The following GALNT10 variants were observed in gnomAD, a reference collection of about 807,000 sequenced individuals.
GALNT10 encodes the protein GalNAc transferase 10.
Under a neutral mutation model 75.0 loss-of-function variants are expected in GALNT10, and 41 were observed. The ratio of observed to expected loss-of-function variants is 0.55; its 90% CI spans 0.43 to 0.71. The LOEUF (loss-of-function observed/expected upper bound fraction) is 0.71. Among genes scored for constraint, GALNT10 ranks in the 30% least tolerant of loss-of-function variants. The pLI is 0.00. For missense variants in GALNT10, 727 were observed against 818.5 expected, an observed-to-expected ratio of 0.89 and a Z score of 1.36; for synonymous variants, 302 against 313.0, an observed-to-expected ratio of 0.96 and a Z score of 0.37.
chr5:154,322,558 G>A (rs79516026), intron 3 of GALNT10, among the ~76,000 whole-genome samples: 8 of 152,054 alleles, frequency 5.3e-5, no homozygotes, highest in Admixed American at 2.6e-4. Flanking sequence ...CACAGGTTCC[G>A]GGGATTAGGG....
intron 1 of GALNT10, among the ~76,000 whole-genome samples, chr5:154,285,279 AC>A (rs1334524380): frequency 6.6e-6 from 1 of 152,088 alleles, no homozygotes; most frequent in East Asian, 1.9e-4. Flanking sequence ...GCTCACCACC[AC>A]CCTTGTAGGA....
chr5:154,193,136 G>A (rs1774884980), intron 1 of GALNT10, among the ~76,000 whole-genome samples: 1 of 150,834 alleles, frequency 6.6e-6, no homozygotes, highest in Admixed American at 6.6e-5. Context: ...GGAGGAGGAA[G>A]AAGTGGTGAA....
Position 154,397,027 on chromosome 5 carries a change from T to A in GALNT10, c.1057-7077T>A, listed in dbSNP as rs550794827. Reference sequence around the variant, plus strand: ...CTGTAATCCCAGCTACTCGGGAGGCTGAGGCAGGAGAATCACTTGAACCTG... The same window carrying A: ...CTGTAATCCCAGCTACTCGGGAGGCAGAGGCAGGAGAATCACTTGAACCTG... On this transcript the variant is annotated intron_variant, in intron 7 of 11. Coordinates refer to ENST00000297107, the MANE Select transcript of GALNT10 (RefSeq NM_198321.4). 2.6e-5 allele frequency among the ~76,000 whole-genome samples: 4 copies of A among 151,752 alleles called. No individual in the cohort carries two copies. The East Asian group carries it at 7.8e-4, about 29-fold the overall frequency.
At chr5:154,322,058 C>T (rs1754684654) in intron 3 of GALNT10, among the ~76,000 whole-genome samples, 1 of 152,212 alleles carries the variant, frequency 6.6e-6, no homozygotes, top group East Asian at 1.9e-4. Flanking sequence ...GCTTAAACAA[C>T]ACAATGCATA....
intron 3 of GALNT10, among the ~76,000 whole-genome samples, chr5:154,304,922 A>T (rs369155437): frequency 6.6e-6 from 1 of 152,226 alleles, no homozygotes; most frequent in African/African-American, 2.4e-5. Flanking sequence ...AATTATAGCT[A>T]ATAAGCCAAC....
At chr5:154,311,211 A>G (rs141277658) in intron 3 of GALNT10, among the ~76,000 whole-genome samples, 322 of 152,356 alleles carry the variant, frequency 2.1e-3, no homozygotes, top group South Asian at 0.011. Flanking sequence ...ATTAATAACA[A>G]CATGTACCAT....
intron 1 of GALNT10, chr5:154,218,199 C>T (rs992278364): frequency 5.8e-6 from 5 of 869,342 alleles, no homozygotes; most frequent in Non-Finnish European, 6.9e-6. Flanking sequence ...CCCTCCCCAC[C>T]TCATGGGTCC....
At chr5:154,413,063 G>A (rs1041864003) in intron 10 of GALNT10, 58 bp downstream of exon 10, 2 of 1,108,494 alleles carry the variant, frequency 1.8e-6, no homozygotes, top group Admixed American at 1.8e-5. Flanking sequence ...TGCAGCCTGG[G>A]GTGCTGACAC....
chr5:154,318,976 C>G (rs1438961150), intron 3 of GALNT10, among the ~76,000 whole-genome samples: 1 of 152,250 alleles, frequency 6.6e-6, no homozygotes, highest in Admixed American at 6.5e-5. Flanking sequence ...AAATTCTAAA[C>G]TCCACAGAAG....
In GALNT10 at chr5:154,416,451, A is replaced by T. The variant is rs904231986; in HGVS notation, c.1654-363A>T. Among the ~76,000 whole-genome samples the T allele has an allele frequency of 1.2e-4, 18 of 149,456 alleles. No homozygotes were observed. Among genetic ancestry groups the T allele is most frequent in the South Asian group, 2.1e-4 (1 of 4,738 alleles). On this transcript the variant is annotated intron_variant, in intron 11 of 11. Transcript: ENST00000297107. This position sits in a 1 kb window ranked among gnomAD's most constrained non-coding sequence, Gnocchi z 4.5. ...CTGTCTCAAAAAAATTAAAAAAATTAAAAAAATAAAAGATAAAAGGAAAGC... is the reference window on the plus strand; with the variant it reads ...CTGTCTCAAAAAAATTAAAAAAATTTAAAAAATAAAAGATAAAAGGAAAGC...
chr5:154,294,866 G>A lies in GALNT10; in HGVS notation c.210G>A (p.Lys70=), dbSNP rs1259710927. 1 of 1,608,584 alleles carries A rather than the reference G, an allele frequency of 6.2e-7. No individual in the cohort carries two copies. Among genetic ancestry groups the A allele is most frequent in the Non-Finnish European group, 8.5e-7 (1 of 1,174,944 alleles). ...CGTTTTTCTTGGGAGATGGGCAGAA[G>A]CTGAAGGACTGGCATGACAAGGAGG... ...KKTFFLGDGQ[K]LKDWHDKEAI... Residue 70 remains lysine, a synonymous_variant, in exon 2 of 12, where the codon AAG becomes AAA. Transcript: ENST00000297107.
At chr5:154,210,717 C>T (rs1241242725) in intron 1 of GALNT10, among the ~76,000 whole-genome samples, 1 of 152,152 alleles carries the variant, frequency 6.6e-6, no homozygotes, top group South Asian at 2.1e-4. Context: ...AGGAATAAAC[C>T]ATCTTGGATT....
At chr5:154,350,132 G>A (rs1372178223) in intron 4 of GALNT10, among the ~76,000 whole-genome samples, 1 of 152,100 alleles carries the variant, frequency 6.6e-6, no homozygotes, top group Non-Finnish European at 1.5e-5. Context: ...TGGCTGCTCT[G>A]CCTATGCAGT....
intron 6 of GALNT10, among the ~76,000 whole-genome samples, chr5:154,384,758 G>A (rs190317859): frequency 2.0e-5 from 3 of 152,298 alleles, no homozygotes; most frequent in Admixed American, 6.5e-5. Flanking sequence ...TTGTGGTGGC[G>A]AGGGGTGTGA....
chr5:154,230,341 T>G (rs1008095277), intron 1 of GALNT10, among the ~76,000 whole-genome samples: 7 of 152,122 alleles, frequency 4.6e-5, no homozygotes, highest in African/African-American at 1.7e-4. Context: ...AAAACCTAAG[T>G]TCCTGTCCCC....
At chr5:154,371,677 G>A (rs1363043855) in intron 4 of GALNT10, among the ~76,000 whole-genome samples, 5 of 152,134 alleles carry the variant, frequency 3.3e-5, no homozygotes, top group African/African-American at 1.2e-4. Context: ...AGCTGAGAGA[G>A]TTGGGGCAAG....
chr5:154,338,083 A>G, intron 4 of GALNT10: 1 of 1,171,352 alleles, frequency 8.5e-7, no homozygotes, highest in Non-Finnish European at 1.3e-6. Context: ...GTTCTTCAGC[A>G]TCTTCTTTAA....
chr5:154,386,624 G>T (rs1015241163), intron 7 of GALNT10, 194 bp downstream of exon 7: 2 of 621,692 alleles, frequency 3.2e-6, no homozygotes, highest in Non-Finnish European at 5.7e-6. Context: ...TGGGAGGGAA[G>T]GGGAGTACTC....
Position 154,407,849 on chromosome 5 carries a change from CA to C in GALNT10, c.1165-1690del, listed in dbSNP as rs1344665875. Among the ~76,000 whole-genome samples, 4 of 152,166 alleles carry C rather than the reference CA, an allele frequency of 2.6e-5. 1 individual carries two copies. Among genetic ancestry groups the C allele is most frequent in the African/African-American group, 7.2e-5 (3 of 41,436 alleles). Reference sequence around the variant, plus strand: ...GCACTCAGGAAGAACTAGGTAGCAACAAGGAAATTCAGCTGTTTCCTGGTCC... The same window carrying C: ...GCACTCAGGAAGAACTAGGTAGCAACAGGAAATTCAGCTGTTTCCTGGTCC... On this transcript the variant is annotated intron_variant, in intron 8 of 11. Coordinates refer to ENST00000297107, the MANE Select transcript of GALNT10 (RefSeq NM_198321.4).
Sources: gnomAD v4.1 joint callset for allele counts (sites outside exome capture counted in the v4.1 genomes callset) on GRCh38, gnomAD v4.1.1 for gene constraint, Gnocchi (gnomAD v3.1) non-coding constraint, MANE v1.5 for transcripts, NCBI Gene and HGNC (gene_info 2026-07-23, HGNC 2026-07-21) for gene names.